The following FANCG variants were observed in gnomAD, a reference collection of about 807,000 sequenced individuals.
The protein encoded by FANCG is FA complementation group G.
FANCG carries 67 observed loss-of-function variants against 73.3 expected under a neutral mutation model. The observed-to-expected ratio is 0.91, with a 90% CI of 0.75 to 1.12. FANCG has a LOEUF of 1.12. FANCG is among the 50% of genes most tolerant of loss of function. The pLI is 0.00. For missense variants in FANCG, 643 were observed against 735.6 expected, an observed-to-expected ratio of 0.87 and a Z score of 1.46; for synonymous variants, 297 against 311.6, an observed-to-expected ratio of 0.95 and a Z score of 0.49.
At chr9:35,074,886 T>G in intron 12 of FANCG, 41 bp downstream of exon 12, 1 of 1,613,018 alleles carries the variant, frequency 6.2e-7, no homozygotes, top group Non-Finnish European at 8.5e-7. Flanking sequence ...TCTCTGTCCT[T>G]GCACATCTAT....
chr9:35,074,448 T>C lies in FANCG; in HGVS notation c.1683A>G (p.Leu561=), dbSNP rs757636054. The change falls in exon 13 of 14, where the codon CTA becomes CTG. Residue 561 remains leucine (L), a synonymous_variant. Coordinates refer to ENST00000378643, the MANE Select transcript of FANCG (RefSeq NM_004629.2). ...YFHLLQTLKR[L]DRRDEATALW... ...GTGCAGTGGCCTCATCCCTCCGATCTAGCCTCTTCAGAGTCTGAAGCAGGT... is the reference window on the plus strand; with the variant it reads ...GTGCAGTGGCCTCATCCCTCCGATCCAGCCTCTTCAGAGTCTGAAGCAGGT... The C allele has an allele frequency of 8.7e-6, 14 of 1,614,062 alleles. No homozygotes were observed. The South Asian group carries it at 1.5e-4, about 18-fold the overall frequency.
chr9:35,077,148 G>A, intron 5 of FANCG, 47 bp from the exon 6 acceptor site: 1 of 1,614,122 alleles, frequency 6.2e-7, no homozygotes, highest in Non-Finnish European at 8.5e-7. Flanking sequence ...TAGAGCAGGG[G>A]TCATGATGGG....
Position 35,078,303 on chromosome 9 carries a change from C to G in FANCG, c.348G>C (p.Gln116His). The G allele has an allele frequency of 6.2e-7, 1 of 1,613,920 alleles. No homozygotes were observed. The highest frequency in any genetic ancestry group is 8.5e-7 in the Non-Finnish European group (1 of 1,180,024). The change falls in exon 4 of 14, where the codon CAG (glutamine) becomes CAC (histidine). Residue 116 changes from glutamine (Q) to histidine (H), a missense_variant. By Grantham distance (24) the Gln-to-His change is conservative. Transcript: ENST00000378643. ...CAGAGTCCCACAGCTCCCTGAGCCC[C>G]TGTTCCAACCTGGGCCCCTGCTGCT... The part of the protein sequence containing the change: ...TQEQQGPRLE[Q>H]GLRELWDSVL...
At position 35,074,111 on chromosome 9, in the gene FANCG, C is replaced by T. The variant is rs758980894; in HGVS notation, c.1866G>A (p.Leu622=). 1.2e-6 allele frequency: 2 copies of T among 1,613,644 alleles called. No individual in the cohort carries two copies. The highest frequency in any genetic ancestry group is 1.1e-5 in the South Asian group (1 of 91,062). Residue 622 remains leucine (L), a synonymous_variant, in exon 14 of 14, where the codon CTG becomes CTA. Coordinates refer to ENST00000378643, the MANE Select transcript of FANCG (RefSeq NM_004629.2). ...FRTSLPKSCD[L] is the part of the protein sequence containing the mutation. The stretch of plus-strand genomic sequence containing the variant: ...CAAGCTCTTCAAAACGTGGCAGCTA[C>T]AGGTCACAAGACTTTGGCAGAGATG...
rs762740884 is a variant in FANCG at position 35,079,227 on chromosome 9, G to C, written c.99C>G (p.Ser33=). The C allele has an allele frequency of 6.2e-7, 1 of 1,607,304 alleles. No individual in the cohort carries two copies. The highest frequency in any genetic ancestry group is 1.1e-5 in the South Asian group (1 of 90,080). Residue 33 remains serine, a synonymous_variant, in exon 2 of 14, where the codon TCC becomes TCG. Coordinates refer to ENST00000378643, the MANE Select transcript of FANCG (RefSeq NM_004629.2). ...ACTGCTGTCGCCTCAGAGTCAGACC[G>C]GAGTTCTGAGCCACCTGCCACATGA... The part of the protein sequence containing the change: ...LVRQAKVAQN[S]GLTLRRQQLA...
At chr9:35,077,142 G>C (rs1829100593) in intron 5 of FANCG, 41 bp from the exon 6 acceptor site, 7 of 1,614,034 alleles carry the variant, frequency 4.3e-6, no homozygotes, top group Non-Finnish European at 5.1e-6. Context: ...GGGCTATAGA[G>C]CAGGGGTCAT....
chr9:35,079,136 G>A lies in FANCG; in HGVS notation c.175+15C>T, dbSNP rs1431326886. The A allele has an allele frequency of 6.3e-7, 1 of 1,598,694 alleles. No homozygotes were observed. Among genetic ancestry groups the A allele is most frequent in the South Asian group, 1.1e-5 (1 of 88,920 alleles). ...GGAAGAGGGGAACTGACCATCCTGG[G>A]GAGGACCCGCCTACCTTGCAGACTA... On this transcript the variant is annotated intron_variant, in intron 2 of 13. Coordinates refer to ENST00000378643, the MANE Select transcript of FANCG (RefSeq NM_004629.2).
Position 35,075,505 on chromosome 9 carries a change from G to T in FANCG, c.1393C>A (p.Gln465Lys). 6.2e-7 allele frequency: 1 copy of T among 1,614,148 alleles called. No individual in the cohort carries two copies. Among genetic ancestry groups the T allele is most frequent in the Non-Finnish European group, 8.5e-7 (1 of 1,180,026 alleles). ...THLLQGQAWVQLGAQKVAISE... is the reference protein window; with the variant it reads ...THLLQGQAWVKLGAQKVAISE... ...ATTGCCACTTTTTGGGCACCCAGTTGAACCCAGGCCTGGCCCTGAAGCAGG... is the reference window on the plus strand; with the variant it reads ...ATTGCCACTTTTTGGGCACCCAGTTTAACCCAGGCCTGGCCCTGAAGCAGG... The change falls in exon 10 of 14, where the codon CAA becomes AAA. Residue 465 changes from glutamine (Q) to lysine (K), a missense_variant. Physicochemically the swap from Gln to Lys is moderately conservative, Grantham distance 53. Transcript: ENST00000378643.
At chr9:35,077,158 G>C in intron 5 of FANCG, 57 bp from the exon 6 acceptor site, 1 of 1,614,086 alleles carries the variant, frequency 6.2e-7, no homozygotes, top group Non-Finnish European at 8.5e-7. Context: ...GTCATGATGG[G>C]GAACAAGGGT....
rs749784481 is a variant in FANCG, at chr9:35,078,364, CAT to C, written c.308-23_308-22del. The C allele has an allele frequency of 1.2e-5, 20 of 1,606,272 alleles. 1 individual carries two copies. The highest frequency in any genetic ancestry group is 2.7e-5 in the African/African-American group (2 of 74,738). On this transcript the variant is annotated intron_variant, in intron 3 of 13. Coordinates refer to ENST00000378643, the MANE Select transcript of FANCG (RefSeq NM_004629.2). ...CAGCACTGTAGAGTATACACACACA[CAT>C]AGACACACACACAGCTGAAGTAGCA...
Position 35,078,276 on chromosome 9 carries a change from G to T in FANCG, c.375C>A (p.Val125=), listed in dbSNP as rs199754122. 6.2e-7 allele frequency: 1 copy of T among 1,614,060 alleles called. No individual in the cohort carries two copies. The highest frequency in any genetic ancestry group is 2.2e-5 in the East Asian group (1 of 44,848). The change falls in exon 4 of 14, where the codon GTC becomes GTA. Residue 125 remains valine, a synonymous_variant. Coordinates refer to ENST00000378643, the MANE Select transcript of FANCG (RefSeq NM_004629.2). ...CCGGCAGAAGGCAGGAAGCACGAAG[G>T]ACAGAGTCCCACAGCTCCCTGAGCC... is the stretch of plus-strand genomic sequence containing the variant. ...EQGLRELWDS[V]LRASCLLPEL... is the part of the protein sequence containing the mutation.
Position 35,079,150 on chromosome 9 carries a change from C to T in FANCG, c.175+1G>A, listed in dbSNP as rs927868500. ...GACCATCCTGGGGAGGACCCGCCTACCTTGCAGACTATGGAGGAGCCCTCT... is the reference window on the plus strand; with the variant it reads ...GACCATCCTGGGGAGGACCCGCCTATCTTGCAGACTATGGAGGAGCCCTCT... On this transcript the variant is annotated splice_donor_variant, in intron 2 of 13. Transcript: ENST00000378643. LOFTEE classifies it high-confidence loss of function. The T allele has an allele frequency of 1.3e-5, 21 of 1,605,772 alleles. No individual in the cohort carries two copies. Among genetic ancestry groups the T allele is most frequent in the Non-Finnish European group, 1.7e-5 (20 of 1,176,296 alleles).
rs1336520265 is a variant in FANCG at position 35,079,257 on chromosome 9, G to T, written c.85-16C>A. Reference sequence around the variant, plus strand: ...TCTGAGCCACCTGCCACATGAGGGAGGGGTTGTCACTGAGGATCAATCCTT... The same window carrying T: ...TCTGAGCCACCTGCCACATGAGGGATGGGTTGTCACTGAGGATCAATCCTT... On this transcript the variant is annotated splice_polypyrimidine_tract_variant and intron_variant, in intron 1 of 13. Coordinates refer to ENST00000378643, the MANE Select transcript of FANCG (RefSeq NM_004629.2). 6.2e-7 allele frequency: 1 copy of T among 1,603,098 alleles called. No homozygotes were observed. The highest frequency in any genetic ancestry group is 1.7e-5 in the Admixed American group (1 of 58,718).
chr9:35,074,161 C>CA lies in FANCG; in HGVS notation c.1815dup (p.Asp606Ter). 1 of 1,614,234 alleles carries CA rather than the reference C, an allele frequency of 6.2e-7. No individual in the cohort carries two copies. The highest frequency in any genetic ancestry group is 8.5e-7 in the Non-Finnish European group (1 of 1,180,052). On this transcript the variant is annotated frameshift_variant, in exon 14 of 14. Transcript: ENST00000378643. LOFTEE classifies it high-confidence loss of function. ...GTCCGAAATTCTTCAAGGAAGGCGTCACGATCAGAGGGACGGATCCAGCTC... is the reference window on the plus strand; with the variant it reads ...GTCCGAAATTCTTCAAGGAAGGCGTCAACGATCAGAGGGACGGATCCAGCTC...
Position 35,074,284 on chromosome 9 carries a change from C to T in FANCG, c.1761-68G>A. 7 of 1,613,054 alleles carry T rather than the reference C, an allele frequency of 4.3e-6. No individual in the cohort carries two copies. In the South Asian group the frequency reaches 7.7e-5, roughly 18 times the overall value. On this transcript the variant is annotated intron_variant, in intron 13 of 13. Coordinates refer to ENST00000378643, the MANE Select transcript of FANCG (RefSeq NM_004629.2). Reference sequence around the variant, plus strand: ...AGAAAGCTGGGCAGCCATACCCCCGCTTTCAGTGTTCACCACCCACAATAG... The same window carrying T: ...AGAAAGCTGGGCAGCCATACCCCCGTTTTCAGTGTTCACCACCCACAATAG...
chr9:35,078,352 T>G lies in FANCG; in HGVS notation c.308-9A>C. 6.2e-7 allele frequency: 1 copy of G among 1,611,790 alleles called. No individual in the cohort carries two copies. Among genetic ancestry groups the G allele is most frequent in the Non-Finnish European group, 8.5e-7 (1 of 1,179,190 alleles). ...CTCCTGTGTCTCCAGCACTGTAGAGTATACACACACACATAGACACACACA... is the reference window on the plus strand; with the variant it reads ...CTCCTGTGTCTCCAGCACTGTAGAGGATACACACACACATAGACACACACA... On this transcript the variant is annotated splice_polypyrimidine_tract_variant and intron_variant, in intron 3 of 13. Coordinates refer to ENST00000378643, the MANE Select transcript of FANCG (RefSeq NM_004629.2).
At chr9:35,079,109 A>G in intron 2 of FANCG, 42 bp downstream of exon 2, 1 of 1,508,786 alleles carries the variant, frequency 6.6e-7, no homozygotes, top group Non-Finnish European at 9.1e-7. Flanking sequence ...TTCTCTGGCT[A>G]TGGAAGAGGG....
In FANCG at chr9:35,077,251, G is replaced by A; in HGVS notation, c.646+13C>T. 6.2e-7 allele frequency: 1 copy of A among 1,614,226 alleles called. No individual in the cohort carries two copies. Among genetic ancestry groups the A allele is most frequent in the Non-Finnish European group, 8.5e-7 (1 of 1,180,030 alleles). ...CTTAAAGGTAGAAGAGATGAGTCAG[G>A]TTGCTAGCTGACCTTGGCGGTAGGC... On this transcript the variant is annotated intron_variant, in intron 5 of 13. Coordinates refer to ENST00000378643, the MANE Select transcript of FANCG (RefSeq NM_004629.2).
chr9:35,078,092 G>C, intron 4 of FANCG, 49 bp downstream of exon 4: 1 of 1,546,362 alleles, frequency 6.5e-7, no homozygotes, highest in Non-Finnish European at 8.9e-7. Flanking sequence ...AGAGAAAGGA[G>C]GAGGAAGGAA....
Sources: allele counts gnomAD v4.1 joint callset, GRCh38; gene constraint gnomAD v4.1.1; transcripts MANE v1.5; gene names NCBI Gene and HGNC (gene_info 2026-07-23, HGNC 2026-07-21).